FAAH2: variants seen among roughly 807,000 people sequenced by gnomAD.
FAAH2 encodes the protein fatty-acid amide hydrolase 2.
A neutral mutation model predicts 36.9 loss-of-function variants in FAAH2; 60 were observed. The observed-to-expected ratio is 1.63, with a 90% confidence interval of 1.32 to 2.02. The LOEUF is 2.02. FAAH2 is among the 30% of genes most tolerant of loss of function. The pLI is 0.00. For synonymous variants in FAAH2, 214 were observed against 143.8 expected (o/e 1.49, Z -3.49); for missense variants, 689 against 397.5 (o/e 1.73, Z -6.23).
At chrX:57,331,877 A>G in intron 4 of FAAH2, 70 bp downstream of exon 4, 1 of 1,018,167 alleles carries the variant, frequency 9.8e-7, no homozygotes, top group East Asian at 3.1e-5. Context: ...GTATTAATAA[A>G]CATGATACAG....
the FAAH2 span, among the ~76,000 whole-genome samples, chrX:57,279,501 A>C: frequency 1.8e-5 from 2 of 111,689 alleles, no homozygotes; most frequent in Non-Finnish European, 3.8e-5. Context: ...TACCTAATGT[A>C]GGTGACGGGT....
chrX:57,479,913 A>G (rs2057348101), intron 10 of FAAH2, among the ~76,000 whole-genome samples: 1 of 111,860 alleles, frequency 8.9e-6, no homozygotes, highest in Non-Finnish European at 1.9e-5. Context: ...GACGCAATAA[A>G]AAATGATAAA....
chrX:57,478,235 G>A (rs774128444), intron 10 of FAAH2, among the ~76,000 whole-genome samples: 4 of 111,770 alleles, frequency 3.6e-5, no homozygotes, highest in African/African-American at 6.5e-5. Context: ...TTCTCTGATG[G>A]CCAGTAATGG....
the FAAH2 span, among the ~76,000 whole-genome samples, chrX:57,254,203 C>T: frequency 2.7e-5 from 3 of 111,440 alleles, no homozygotes; most frequent in Admixed American, 1.9e-4. Context: ...GTAAAGGGAT[C>T]AATTCAACAA....
At chrX:57,341,189 G>T in intron 4 of FAAH2, 82 bp from the exon 5 acceptor site, 1 of 1,037,045 alleles carries the variant, frequency 9.6e-7, no homozygotes, top group South Asian at 2.6e-5. Context: ...CAAAAAGGTT[G>T]AAAGTGAAAA....
At chrX:57,132,161 A>G in the FAAH2 span, among the ~76,000 whole-genome samples, 1 of 112,589 alleles carries the variant, frequency 8.9e-6, no homozygotes, top group Admixed American at 9.4e-5. Flanking sequence ...CTGTCTGAAT[A>G]CTAAGAACTT....
At chrX:57,209,762 A>T in the FAAH2 span, among the ~76,000 whole-genome samples, 1 of 111,286 alleles carries the variant, frequency 9.0e-6, no homozygotes, top group African/African-American at 3.3e-5. Flanking sequence ...ACTCAACTGC[A>T]GTGGCAGTCC....
At chrX:57,160,171 A>C in the FAAH2 span, among the ~76,000 whole-genome samples, 3 of 111,913 alleles carry the variant, frequency 2.7e-5, no homozygotes, top group South Asian at 3.7e-4. Flanking sequence ...ACCACCCTTG[A>C]ATCCCAGGGA....
At chrX:57,419,147 T>A (rs1050245436) in intron 7 of FAAH2, among the ~76,000 whole-genome samples, 1 of 110,192 alleles carries the variant, frequency 9.1e-6, no homozygotes, top group African/African-American at 3.3e-5. Context: ...TTCCAAGTCT[T>A]TGCTATTGTG....
intron 8 of FAAH2, among the ~76,000 whole-genome samples, chrX:57,444,814 T>C (rs997002837): frequency 8.9e-6 from 1 of 112,026 alleles, no homozygotes; most frequent in Admixed American, 9.5e-5. Flanking sequence ...TTTCAGTTTG[T>C]CAAGTGAATT....
chrX:57,441,408 T>C (rs1275257427), intron 8 of FAAH2, among the ~76,000 whole-genome samples: 2 of 111,707 alleles, frequency 1.8e-5, no homozygotes, highest in African/African-American at 6.5e-5. Flanking sequence ...TATACTATTC[T>C]CTGATGGTAG....
At chrX:57,264,508 C>A in the FAAH2 span, among the ~76,000 whole-genome samples, 1 of 112,172 alleles carries the variant, frequency 8.9e-6, no homozygotes, top group Middle Eastern at 4.6e-3. Flanking sequence ...GTCAAACTGG[C>A]TATAATTATA....
At chrX:57,401,255 C>A (rs1413663561) in intron 7 of FAAH2, among the ~76,000 whole-genome samples, 1 of 112,090 alleles carries the variant, frequency 8.9e-6, no homozygotes, top group South Asian at 3.7e-4. Context: ...AGAACTGGCT[C>A]AAATCTTGGG....
chrX:57,418,897 G>GTC (rs2055924310), intron 7 of FAAH2, among the ~76,000 whole-genome samples: 1 of 75,305 alleles, frequency 1.3e-5, no homozygotes, highest in South Asian at 1.0e-3. Context: ...TCCCCAGACT[G>GTC]TGATGTTCCC....
intron 5 of FAAH2, among the ~76,000 whole-genome samples, chrX:57,349,535 A>G (rs1481118841): frequency 1.9e-5 from 2 of 103,950 alleles, no homozygotes; most frequent in African/African-American, 6.8e-5. Flanking sequence ...ATACACATAT[A>G]TATTTTAAAT....
the FAAH2 span, among the ~76,000 whole-genome samples, chrX:57,187,568 G>A: frequency 1.8e-4 from 20 of 110,616 alleles, no homozygotes; most frequent in African/African-American, 6.6e-4. Flanking sequence ...TCTTTCTCTT[G>A]CCTGATTGCT....
chrX:57,344,201 A>T (rs1262790372), intron 5 of FAAH2, among the ~76,000 whole-genome samples: 1 of 110,514 alleles, frequency 9.0e-6, no homozygotes, highest in Non-Finnish European at 1.9e-5. Flanking sequence ...TACTTTGGAA[A>T]GTATGGCAAT....
intron 7 of FAAH2, chrX:57,393,950 C>A: frequency 2.4e-6 from 2 of 847,977 alleles, no homozygotes; most frequent in Non-Finnish European, 3.5e-6. Context: ...AATGCCTAGT[C>A]TGTTTAACCT....
At chrX:57,185,491 T>C in the FAAH2 span, among the ~76,000 whole-genome samples, 25,588 of 73,857 alleles carry the variant, frequency 0.35, 2,520 homozygotes, top group Middle Eastern at 0.6. Context: ...TCTGTCTCTG[T>C]GTGTGTGTGT....
Sources: allele counts gnomAD v4.1 joint callset (sites outside exome capture counted in the v4.1 genomes callset), GRCh38; gene constraint gnomAD v4.1.1; transcripts MANE v1.5; gene names NCBI Gene and HGNC (gene_info 2026-07-23, HGNC 2026-07-21).